The following FREM2 variants were observed in gnomAD, a reference collection of about 807,000 sequenced individuals.
The protein encoded by FREM2 is FRAS1-related extracellular matrix protein 2.
In FREM2, 119 loss-of-function variants were observed where a neutral mutation model predicts 219.9. That is an observed-to-expected ratio of 0.54 (90% CI 0.47 to 0.63). FREM2 has a LOEUF of 0.63. Among genes scored for constraint, FREM2 ranks in the 30% least tolerant of loss-of-function variants. FREM2 has a pLI of 0.00. For missense variants in FREM2, 4,030 were observed against 3,993.6 expected (o/e 1.01, Z -0.25); for synonymous variants, 1,562 against 1,522.8 (o/e 1.03, Z -0.60).
At chr13:38,796,837 T>A (rs1164545436) in intron 6 of FREM2, among the ~76,000 whole-genome samples, 1 of 151,904 alleles carries the variant, frequency 6.6e-6, no homozygotes, top group Non-Finnish European at 1.5e-5. Context: ...TTTTGAAAAA[T>A]TTTTATACTG....
chr13:38,692,782 A>G (rs1483448336), intron 1 of FREM2, among the ~76,000 whole-genome samples: 1 of 152,212 alleles, frequency 6.6e-6, no homozygotes, highest in Non-Finnish European at 1.5e-5. Context: ...AACTTTGGTG[A>G]ATTAAAATCG....
At chr13:38,771,639 C>T (rs1407307536) in intron 4 of FREM2, among the ~76,000 whole-genome samples, 1 of 152,084 alleles carries the variant, frequency 6.6e-6, no homozygotes, top group Non-Finnish European at 1.5e-5. Context: ...AATTTCATTT[C>T]ATGTATTGAT....
intron 13 of FREM2, 62 bp downstream of exon 13, chr13:38,858,095 T>A: frequency 7.3e-7 from 1 of 1,363,854 alleles, no homozygotes; most frequent in East Asian, 2.4e-5. Flanking sequence ...ATAATTATAA[T>A]CAATATAGCA....
chr13:38,805,790 T>C (rs941556706), intron 6 of FREM2, among the ~76,000 whole-genome samples: 2 of 151,942 alleles, frequency 1.3e-5, no homozygotes, highest in Non-Finnish European at 2.9e-5. Flanking sequence ...TATCACTTGT[T>C]ATATATTAAG....
intron 2 of FREM2, among the ~76,000 whole-genome samples, chr13:38,756,710 GTA>G (rs924573965): frequency 1.3e-5 from 2 of 151,300 alleles, no homozygotes; most frequent in Non-Finnish European, 2.9e-5. Flanking sequence ...GTGTGTGTGT[GTA>G]TATTTTTAGT....
intron 4 of FREM2, among the ~76,000 whole-genome samples, chr13:38,779,014 A>C (rs991775655): frequency 1.3e-5 from 2 of 152,216 alleles, no homozygotes; most frequent in African/African-American, 4.8e-5. Context: ...TAATTTCTAC[A>C]TTGAAATTTT....
chr13:38,703,021 A>G lies in FREM2; in HGVS notation c.5263+5234A>G, dbSNP rs377104561. Among the ~76,000 whole-genome samples, 16 of 152,266 alleles carry G rather than the reference A, an allele frequency of 1.1e-4. No homozygotes were observed. In the South Asian group the frequency reaches 3.3e-3, roughly 32 times the overall value. ...GTAGAAGCTGCAAAGTCATTTCTGT[A>G]TATGAAATGTCATTTAAGGTCAAGG... On this transcript the variant is annotated intron_variant, in intron 2 of 23. Coordinates refer to ENST00000280481, the MANE Select transcript of FREM2 (RefSeq NM_207361.6).
At chr13:38,732,777 A>G (rs1871819693) in intron 2 of FREM2, among the ~76,000 whole-genome samples, 1 of 152,240 alleles carries the variant, frequency 6.6e-6, no homozygotes, top group African/African-American at 2.4e-5. Context: ...GCCAAATCCC[A>G]GTGAAGATTC....
intron 2 of FREM2, among the ~76,000 whole-genome samples, chr13:38,753,840 T>A (rs1322085605): frequency 6.6e-6 from 1 of 152,196 alleles, no homozygotes; most frequent in Admixed American, 6.5e-5. Flanking sequence ...TGTTACCCAA[T>A]TAAATCAGGT....
chr13:38,842,665 A>G (rs747998789), intron 6 of FREM2, among the ~76,000 whole-genome samples: 3 of 152,246 alleles, frequency 2.0e-5, no homozygotes, highest in Non-Finnish European at 2.9e-5. Context: ...ACTTGAGTAA[A>G]TAAGATTTGG....
rs1044191863 is a variant in FREM2, at chr13:38,884,134, A to G, written c.*3347A>G. 8 of 152,342 alleles carry G rather than the reference A, an allele frequency of 5.3e-5. No individual in the cohort carries two copies. The highest frequency in any genetic ancestry group is 4.6e-4 in the Admixed American group (7 of 15,300). The allele number at this position is 152,342 out of a possible 1,614,324, so 9.4% of individuals were successfully genotyped here. On this transcript the variant is annotated 3_prime_UTR_variant, in exon 24 of 24. Coordinates refer to ENST00000280481, the MANE Select transcript of FREM2 (RefSeq NM_207361.6). ...ACAATTTGCATAAAGGTCAGCTAGCATCCTGCTGCCAAGCCACTGCATAGC... is the reference window on the plus strand; with the variant it reads ...ACAATTTGCATAAAGGTCAGCTAGCGTCCTGCTGCCAAGCCACTGCATAGC...
At chr13:38,812,825 G>T (rs1438819655) in intron 6 of FREM2, among the ~76,000 whole-genome samples, 1 of 151,636 alleles carries the variant, frequency 6.6e-6, no homozygotes, top group Non-Finnish European at 1.5e-5. Context: ...TGAGGCTGCA[G>T]TGAGCCTTGA....
At chr13:38,828,917 C>A (rs1427869449) in intron 6 of FREM2, among the ~76,000 whole-genome samples, 1 of 152,110 alleles carries the variant, frequency 6.6e-6, no homozygotes, top group South Asian at 2.1e-4. Flanking sequence ...TGCTGTAGTA[C>A]ATATCCTTTT....
intron 23 of FREM2, 78 bp downstream of exon 23, chr13:38,879,055 C>G (rs1311124139): frequency 7.7e-7 from 1 of 1,294,988 alleles, no homozygotes; most frequent in African/African-American, 1.5e-5. Context: ...CCTCAGATGT[C>G]TCATATGTAA....
chr13:38,736,424 C>G (rs1317336542), intron 2 of FREM2, among the ~76,000 whole-genome samples: 1 of 152,110 alleles, frequency 6.6e-6, no homozygotes, highest in East Asian at 1.9e-4. Context: ...AACCATGGAA[C>G]AGGTATTGTT....
At chr13:38,732,739 G>C (rs1230761063) in intron 2 of FREM2, among the ~76,000 whole-genome samples, 2 of 152,172 alleles carry the variant, frequency 1.3e-5, no homozygotes, top group African/African-American at 4.8e-5. Context: ...ATAGTAAGGG[G>C]AATTAAGAAG....
In FREM2 at chr13:38,848,612, C is replaced by CG; in HGVS notation, c.6322dup (p.Ala2108GlyfsTer15). On this transcript the variant is annotated frameshift_variant, in exon 8 of 24. Transcript: ENST00000280481. LOFTEE classifies it high-confidence loss of function. ...AACTGGTGCTTCGCATGCCTATGAA[C>CG]GCAGCCCTTGGCGAGCCCAGCAAAG... is the stretch of plus-strand genomic sequence containing the variant. The CG allele has an allele frequency of 1.9e-6, 3 of 1,613,988 alleles. No individual in the cohort carries two copies. Among genetic ancestry groups the CG allele is most frequent in the Non-Finnish European group, 2.5e-6 (3 of 1,179,940 alleles).
chr13:38,785,966 T>G (rs1366253918), intron 6 of FREM2, among the ~76,000 whole-genome samples: 1 of 152,228 alleles, frequency 6.6e-6, no homozygotes, highest in Non-Finnish European at 1.5e-5. Flanking sequence ...ATTCATAGGG[T>G]ACATAATGAT....
rs537063931 is a variant in FREM2 at position 38,747,955 on chromosome 13, G to A, written c.5264-16349G>A. 3.3e-5 allele frequency among the ~76,000 whole-genome samples: 5 copies of A among 152,216 alleles called. No individual in the cohort carries two copies. In the East Asian group the frequency reaches 9.7e-4, roughly 29 times the overall value. On this transcript the variant is annotated intron_variant, in intron 2 of 23. Coordinates refer to ENST00000280481, the MANE Select transcript of FREM2 (RefSeq NM_207361.6). Reference sequence around the variant, plus strand: ...GTAAGCCTTTAAATCCCTTATCAGAGCTGGGCAGATCGTAAGGTTCAAATA... The same window carrying A: ...GTAAGCCTTTAAATCCCTTATCAGAACTGGGCAGATCGTAAGGTTCAAATA...
Sources: allele counts gnomAD v4.1 joint callset (sites outside exome capture counted in the v4.1 genomes callset), GRCh38; gene constraint gnomAD v4.1.1; transcripts MANE v1.5; gene names NCBI Gene and HGNC (gene_info 2026-07-23, HGNC 2026-07-21).